Variants in GRAMD1B observed in about 807,000 individuals in gnomAD.
GRAMD1B encodes protein Aster-B.
GRAMD1B carries 37 observed loss-of-function variants against 99.7 expected under a neutral mutation model. That is an observed-to-expected ratio of 0.37 (90% CI 0.29 to 0.49). The LOEUF is 0.49. GRAMD1B is among the 20% of genes least tolerant of loss of function. The pLI is 0.98. For missense variants in GRAMD1B, 888 were observed against 1,009.2 expected, an observed-to-expected ratio of 0.88 and a Z score of 1.63; for synonymous variants, 427 against 387.6, an observed-to-expected ratio of 1.10 and a Z score of -1.19.
At position 123,618,397 on chromosome 11, in the gene GRAMD1B, T is replaced by C. The variant is rs531725412; in HGVS notation, c.2319-296T>C. On this transcript the variant is annotated intron_variant, in intron 17 of 19. Coordinates refer to ENST00000635736, the MANE Select transcript of GRAMD1B (RefSeq NM_001387025.1). ...TTTCTCCTTTACCCCCTCATCTCTT[T>C]TCCTCCCCACCGTACCTCTCTTCCC... The C allele has an allele frequency of 1.3e-5, 21 of 1,593,054 alleles. No homozygotes were observed. In the East Asian group the frequency reaches 4.7e-4, roughly 36 times the overall value.
At chr11:123,582,927 A>G (rs11219204) in intron 3 of GRAMD1B, among the ~76,000 whole-genome samples, 22,356 of 152,182 alleles carry the variant, frequency 0.15, 3,426 homozygotes, top group African/African-American at 0.39. Context: ...AAGCTCCCCC[A>G]CCCAGCGATC....
intron 2 of GRAMD1B, among the ~76,000 whole-genome samples, chr11:123,541,312 C>A (rs895804821): frequency 1.3e-5 from 2 of 152,166 alleles, no homozygotes; most frequent in African/African-American, 4.8e-5. Flanking sequence ...CTAGTCCAAA[C>A]TGCCTTTCAG....
chr11:123,469,769 CTCTTTCTT>C (rs749366230), intron 1 of GRAMD1B, among the ~76,000 whole-genome samples: 111 of 90,322 alleles, frequency 1.2e-3, no homozygotes, highest in African/African-American at 3.4e-3. Flanking sequence ...TTCTTTCTTT[CTCTTTCTT>C]TCCTTCCTTC....
intron 1 of GRAMD1B, among the ~76,000 whole-genome samples, chr11:123,396,380 A>G (rs1947464741): frequency 6.6e-6 from 1 of 151,666 alleles, no homozygotes; most frequent in Non-Finnish European, 1.5e-5. Flanking sequence ...GGTTTAAGCA[A>G]TTCTCCTGCC....
intron 11 of GRAMD1B, among the ~76,000 whole-genome samples, chr11:123,607,246 G>C (rs1461060174): frequency 6.6e-6 from 1 of 152,224 alleles, no homozygotes; most frequent in African/African-American, 2.4e-5. Flanking sequence ...GTGTTGCTGG[G>C]TCAAATAGGG....
chr11:123,514,814 A>G (rs999631672), intron 2 of GRAMD1B, among the ~76,000 whole-genome samples: 1 of 152,168 alleles, frequency 6.6e-6, no homozygotes, highest in African/African-American at 2.4e-5. Flanking sequence ...ATTTTGCTCC[A>G]TCTCTGATAA....
At chr11:123,550,128 C>G (rs933367031) in intron 2 of GRAMD1B, among the ~76,000 whole-genome samples, 10 of 152,020 alleles carry the variant, frequency 6.6e-5, no homozygotes, top group Admixed American at 3.9e-4. Flanking sequence ...AACTCACATC[C>G]GTGAGCGCTC....
At chr11:123,513,034 A>G (rs1401903215) in intron 2 of GRAMD1B, among the ~76,000 whole-genome samples, 2 of 152,214 alleles carry the variant, frequency 1.3e-5, no homozygotes, top group South Asian at 4.1e-4. Context: ...ATTATGGCCA[A>G]TGTCCTGGAA....
intron 5 of GRAMD1B, 128 bp downstream of exon 5, chr11:123,594,294 C>T: frequency 2.9e-6 from 2 of 700,352 alleles, no homozygotes; most frequent in South Asian, 3.2e-5. Context: ...GAGAGGCTGT[C>T]CAGACCCCTG....
Position 123,627,665 on chromosome 11 carries a change from G to A in GRAMD1B, c.*5070G>A, listed in dbSNP as rs1955571371. 6.6e-6 allele frequency: 1 copy of A among 152,282 alleles called. No individual in the cohort carries two copies. The highest frequency in any genetic ancestry group is 6.5e-5 in the Admixed American group (1 of 15,294). 9.4% of individuals were successfully genotyped at this position (152,282 alleles called of 1,614,324 possible). On this transcript the variant is annotated 3_prime_UTR_variant, in exon 20 of 20. Transcript: ENST00000635736. Reference sequence around the variant, plus strand: ...CGCAAGGTCAGAAAACTTACTGCTAGTACCTAGAAACACACAAGGCTGCCC... The same window carrying A: ...CGCAAGGTCAGAAAACTTACTGCTAATACCTAGAAACACACAAGGCTGCCC...
chr11:123,422,491 A>G (rs563939597), intron 1 of GRAMD1B, among the ~76,000 whole-genome samples: 2 of 152,050 alleles, frequency 1.3e-5, no homozygotes, highest in Non-Finnish European at 2.9e-5. Context: ...AGTAATTCCA[A>G]TTTTTTGCTT....
rs187581141 is a variant in GRAMD1B, at chr11:123,383,991, C to T, written c.-176+25192C>T. 2.5e-4 allele frequency among the ~76,000 whole-genome samples: 38 copies of T among 152,160 alleles called. No homozygotes were observed. In the South Asian group the frequency reaches 4.8e-3, roughly 19 times the overall value. ...GTTCAGGTGATTCTCTTGCCTTAGC[C>T]TCCTGAATAGTTGGGATTACAGGCA... On this transcript the variant is annotated intron_variant, in intron 1 of 20. Coordinates refer to the GRAMD1B transcript ENST00000638157.
At chr11:123,562,545 G>A (rs1403791897) in intron 2 of GRAMD1B, among the ~76,000 whole-genome samples, 1 of 152,208 alleles carries the variant, frequency 6.6e-6, no homozygotes, top group Non-Finnish European at 1.5e-5. Context: ...CTGAAATGTG[G>A]ATTTCCTATG....
chr11:123,386,504 C>T (rs1478470526), intron 1 of GRAMD1B, among the ~76,000 whole-genome samples: 1 of 142,004 alleles, frequency 7.0e-6, no homozygotes, highest in African/African-American at 2.6e-5. Context: ...ATGGCATGAT[C>T]TTGGCTCACC....
At chr11:123,397,044 A>G (rs1947488540) in intron 1 of GRAMD1B, among the ~76,000 whole-genome samples, 1 of 152,178 alleles carries the variant, frequency 6.6e-6, no homozygotes, top group African/African-American at 2.4e-5. Context: ...TATAACACCA[A>G]AATCAAAATA....
intron 2 of GRAMD1B, among the ~76,000 whole-genome samples, chr11:123,544,253 G>A (rs1210398808): frequency 2.6e-5 from 4 of 152,154 alleles, no homozygotes; most frequent in African/African-American, 9.7e-5. Context: ...ACTGCTCAAT[G>A]TATGCCAATA....
chr11:123,365,581 T>C (rs1946293489), intron 1 of GRAMD1B, among the ~76,000 whole-genome samples: 1 of 152,198 alleles, frequency 6.6e-6, no homozygotes, highest in Non-Finnish European at 1.5e-5. Context: ...CATCTTTTTC[T>C]CATAACTTTT....
At chr11:123,617,150 A>G (rs1217780195) in intron 17 of GRAMD1B, among the ~76,000 whole-genome samples, 1 of 137,660 alleles carries the variant, frequency 7.3e-6, no homozygotes, top group African/African-American at 2.7e-5. Flanking sequence ...TCTCTCTTTT[A>G]TCTGTTTTTC....
rs1198132514 is a variant in GRAMD1B at position 123,552,667 on chromosome 11, C to T, written c.453-24700C>T. 2.0e-5 allele frequency among the ~76,000 whole-genome samples: 3 copies of T among 152,186 alleles called. No individual in the cohort carries two copies. In the East Asian group the frequency reaches 5.8e-4, roughly 29 times the overall value. On this transcript the variant is annotated intron_variant, in intron 2 of 19. Coordinates refer to ENST00000635736, the MANE Select transcript of GRAMD1B (RefSeq NM_001387025.1). ...GGTAACATGGGAGAATTTGACCATT[C>T]TAAATTTGTCTATTTCTCTAGTCCC... is the stretch of plus-strand genomic sequence containing the variant.
Sources: allele counts gnomAD v4.1 joint callset (sites outside exome capture counted in the v4.1 genomes callset), GRCh38; gene constraint gnomAD v4.1.1; transcripts MANE v1.5; gene names NCBI Gene and HGNC (gene_info 2026-07-23, HGNC 2026-07-21).